DLG2: variants seen among roughly 807,000 people sequenced by gnomAD.
DLG2 encodes discs large MAGUK scaffold protein 2, also known as disks large homolog 2.
Under a neutral mutation model 132.5 loss-of-function variants are expected in DLG2, and 45 were observed. The observed-to-expected ratio is 0.34, with a 90% CI of 0.27 to 0.44. DLG2 has a LOEUF of 0.44. Among genes scored for constraint, DLG2 ranks in the 20% least tolerant of loss-of-function variants. The pLI is 1.00. For synonymous variants in DLG2, 424 were observed against 419.6 expected (o/e 1.01, Z -0.13); for missense variants, 1,045 against 1,196.9 (o/e 0.87, Z 1.87).
At chr11:84,975,578 C>T (rs1287524056) in intron 6 of DLG2, among the ~76,000 whole-genome samples, 1 of 152,152 alleles carries the variant, frequency 6.6e-6, no homozygotes, top group Non-Finnish European at 1.5e-5. Context: ...GTTGCCACAT[C>T]TGCCCCAAAC....
intron 14 of DLG2, among the ~76,000 whole-genome samples, chr11:83,948,353 T>A (rs1219855033): frequency 6.6e-6 from 1 of 152,084 alleles, no homozygotes; most frequent in Non-Finnish European, 1.5e-5. Context: ...CAACCACAGC[T>A]AAGTTCTTTC....
At chr11:85,448,324 T>G (rs1237816578) in intron 3 of DLG2, among the ~76,000 whole-genome samples, 1 of 152,176 alleles carries the variant, frequency 6.6e-6, no homozygotes. Flanking sequence ...TATTCTGGAA[T>G]TGCCTCAATT....
At chr11:84,772,943 A>T (rs1307050058) in intron 6 of DLG2, among the ~76,000 whole-genome samples, 1 of 152,104 alleles carries the variant, frequency 6.6e-6, no homozygotes, top group Non-Finnish European at 1.5e-5. Context: ...ATAACTAAAG[A>T]TCAGAAGTGA....
chr11:84,982,047 A>G (rs751029630), intron 6 of DLG2, among the ~76,000 whole-genome samples: 2 of 152,108 alleles, frequency 1.3e-5, no homozygotes, highest in Non-Finnish European at 1.5e-5. Flanking sequence ...TACCTTCCAC[A>G]GTATCATGCT....
In DLG2 at chr11:83,901,598, G is replaced by T. The variant is rs1456022830; in HGVS notation, c.1497-27110C>A. 6.6e-5 allele frequency among the ~76,000 whole-genome samples: 10 copies of T among 152,310 alleles called. No individual in the cohort carries two copies. In the East Asian group the frequency reaches 1.9e-3, roughly 29 times the overall value. On this transcript the variant is annotated intron_variant, in intron 15 of 27. Coordinates refer to ENST00000376104, the MANE Select transcript of DLG2 (RefSeq NM_001142699.3). Reference sequence around the variant, plus strand: ...CTTTCACCTTCTGCCATGATTGTGAGGTTTTCCCAGCCATGTGGAACTGTA... The same window carrying T: ...CTTTCACCTTCTGCCATGATTGTGATGTTTTCCCAGCCATGTGGAACTGTA...
intron 7 of DLG2, among the ~76,000 whole-genome samples, chr11:84,526,893 C>T (rs2099322505): frequency 6.6e-6 from 1 of 151,824 alleles, no homozygotes; most frequent in Admixed American, 6.6e-5. Context: ...ATTCTCCTGC[C>T]TCAGCCTCCC....
At chr11:83,643,075 T>A (rs1358780416) in intron 18 of DLG2, among the ~76,000 whole-genome samples, 2 of 152,144 alleles carry the variant, frequency 1.3e-5, no homozygotes, top group Non-Finnish European at 2.9e-5. Flanking sequence ...GCTGTGAAGA[T>A]CAAATGAAGA....
At chr11:85,143,890 T>C (rs1045637223) in intron 5 of DLG2, among the ~76,000 whole-genome samples, 15 of 151,950 alleles carry the variant, frequency 9.9e-5, no homozygotes, top group African/African-American at 3.6e-4. Context: ...AAAGAAAGAA[T>C]GTGCATTCTG....
At chr11:85,312,630 G>C (rs1315349307) in intron 3 of DLG2, among the ~76,000 whole-genome samples, 5 of 151,822 alleles carry the variant, frequency 3.3e-5, no homozygotes, top group African/African-American at 9.7e-5. Flanking sequence ...ATTCTGACCA[G>C]AGAAAATTCA....
In DLG2 at chr11:84,086,036, C is replaced by T. The variant is rs562786802; in HGVS notation, c.749+12887G>A. ...AGCAGCTGGAATACAGGGTCAAATA[C>T]CTGTTTAGAAAATGTGAGCACCTTG... On this transcript the variant is annotated intron_variant, in intron 10 of 27. Coordinates refer to ENST00000376104, the MANE Select transcript of DLG2 (RefSeq NM_001142699.3). 3.9e-5 allele frequency among the ~76,000 whole-genome samples: 6 copies of T among 152,178 alleles called. 1 individual carries two copies. Among genetic ancestry groups the T allele is most frequent in the African/African-American group, 1.4e-4 (6 of 41,524 alleles).
intron 14 of DLG2, among the ~76,000 whole-genome samples, chr11:83,958,475 G>A (rs2087527269): frequency 6.6e-6 from 1 of 152,094 alleles, no homozygotes; most frequent in African/African-American, 2.4e-5. Context: ...GGTAAACTTG[G>A]TTTCTAACAC....
At chr11:84,128,400 T>C (rs922651735) in intron 9 of DLG2, among the ~76,000 whole-genome samples, 7 of 152,188 alleles carry the variant, frequency 4.6e-5, no homozygotes, top group Non-Finnish European at 7.3e-5. Context: ...AAGGTATTTT[T>C]ATATTATTGA....
At chr11:83,947,434 G>A (rs953024324) in intron 14 of DLG2, among the ~76,000 whole-genome samples, 7 of 152,098 alleles carry the variant, frequency 4.6e-5, no homozygotes, top group African/African-American at 9.7e-5. Context: ...CTTAATACAG[G>A]TACAAGTGTA....
At chr11:84,110,544 T>G (rs964893684) in intron 9 of DLG2, among the ~76,000 whole-genome samples, 1 of 152,066 alleles carries the variant, frequency 6.6e-6, no homozygotes, top group Non-Finnish European at 1.5e-5. Flanking sequence ...TGGGGAAGCA[T>G]CCAGAAAAGG....
intron 7 of DLG2, among the ~76,000 whole-genome samples, chr11:84,483,414 G>C (rs2099142860): frequency 7.9e-6 from 1 of 126,224 alleles, no homozygotes; most frequent in Non-Finnish European, 1.6e-5. Flanking sequence ...CTGTGCAACA[G>C]AGCCAGACTC....
intron 6 of DLG2, among the ~76,000 whole-genome samples, chr11:85,004,098 A>G (rs1054153204): frequency 9.2e-5 from 14 of 151,944 alleles, no homozygotes; most frequent in African/African-American, 3.4e-4. Context: ...TATGTGCCAC[A>G]TTTTCTTTAT....
intron 18 of DLG2, among the ~76,000 whole-genome samples, chr11:83,783,821 T>G (rs1039430226): frequency 6.6e-6 from 1 of 152,188 alleles, no homozygotes; most frequent in Non-Finnish European, 1.5e-5. Flanking sequence ...TCCTGACCCC[T>G]TCAGGCTTAT....
chr11:84,321,649 T>C lies in DLG2; in HGVS notation c.520-70358A>G, dbSNP rs529785943. 5.9e-5 allele frequency among the ~76,000 whole-genome samples: 9 copies of C among 152,304 alleles called. No homozygotes were observed. In the South Asian group the frequency reaches 1.9e-3, roughly 32 times the overall value. ...CATAATTAATTCCTACTCACCCTTC[T>C]GTAGGCTGCATCAAGAGGCAACTCC... On this transcript the variant is annotated intron_variant, in intron 7 of 27. Transcript: ENST00000376104.
intron 6 of DLG2, chr11:84,923,147 T>C: frequency 6.2e-7 from 1 of 1,613,378 alleles, no homozygotes. Flanking sequence ...TATGGACCGG[T>C]ATTCAGCTTC....
Sources: allele counts gnomAD v4.1 joint callset (sites outside exome capture counted in the v4.1 genomes callset), GRCh38; gene constraint gnomAD v4.1.1; transcripts MANE v1.5; gene names NCBI Gene and HGNC (gene_info 2026-07-23, HGNC 2026-07-21).